SUGP2: variants seen among roughly 807,000 people sequenced by gnomAD.
SUGP2 encodes SURP and G-patch domain containing 2, also known as SURP and G-patch domain-containing protein 2.
In SUGP2, 24 loss-of-function variants were observed where a neutral mutation model predicts 90.5. The observed-to-expected ratio is 0.27, with a 90% CI of 0.19 to 0.37. The LOEUF is 0.37. SUGP2 is among the 10% of genes least tolerant of loss of function. The pLI, the probability that SUGP2 is intolerant of heterozygous loss-of-function variation, is 1.00. For synonymous variants in SUGP2, 473 were observed against 513.4 expected (o/e 0.92, Z 1.06); for missense variants, 1,233 against 1,363.3 (o/e 0.90, Z 1.51).
intron 8 of SUGP2, among the ~76,000 whole-genome samples, chr19:18,997,230 A>C (rs2057634876): frequency 6.6e-6 from 1 of 151,836 alleles, no homozygotes; most frequent in African/African-American, 2.4e-5. Context: ...TGTGGGAGGC[A>C]CTCCAGAGAC....
rs535869596 is a variant in SUGP2, at chr19:19,007,986, T to C, written c.2450+331A>G. ...GGTGGCCAGGCTGGTCTCGAACTCC[T>C]GAACTCGGGTGATTAGAACAGATCT... is the stretch of plus-strand genomic sequence containing the variant. On this transcript the variant is annotated intron_variant, in intron 6 of 10. Transcript: ENST00000452918. Among the ~76,000 whole-genome samples the C allele has an allele frequency of 2.0e-5, 3 of 152,178 alleles. No individual in the cohort carries two copies. In the East Asian group the frequency reaches 5.8e-4, roughly 29 times the overall value.
At position 18,992,282 on chromosome 19, in the gene SUGP2, C is replaced by T. The variant is rs938722790; in HGVS notation, c.*1459G>A. 2.0e-5 allele frequency: 3 copies of T among 150,962 alleles called. No individual in the cohort carries two copies. Among genetic ancestry groups the T allele is most frequent in the Non-Finnish European group, 4.4e-5 (3 of 67,946 alleles). The allele number at this position is 150,962 out of a possible 1,614,324, so 9.4% of individuals were successfully genotyped here. On this transcript the variant is annotated 3_prime_UTR_variant, in exon 11 of 11. Transcript: ENST00000452918. ...GGCCAGGATGGTCTCGATCTCTTGA[C>T]CTCGTGATCCACCTGCCTCGGCCTC...
chr19:19,027,971 T>C (rs1298268309), intron 2 of SUGP2, among the ~76,000 whole-genome samples: 1 of 152,118 alleles, frequency 6.6e-6, no homozygotes, highest in African/African-American at 2.4e-5. Flanking sequence ...AGCAGTGGCC[T>C]GGCATGAGGA....
chr19:19,027,681 G>GT (rs1371517030), intron 2 of SUGP2, among the ~76,000 whole-genome samples: 2 of 151,440 alleles, frequency 1.3e-5, no homozygotes, highest in African/African-American at 4.9e-5. Context: ...CCAGGCTGGA[G>GT]TGCCGGAGTG....
intron 4 of SUGP2, among the ~76,000 whole-genome samples, chr19:19,011,762 G>A (rs559964838): frequency 3.9e-5 from 6 of 152,152 alleles, no homozygotes; most frequent in Non-Finnish European, 8.8e-5. Flanking sequence ...TTTGGGAGGC[G>A]GAAGCAGGTG....
rs754427707 is a variant in SUGP2 at position 19,001,606 on chromosome 19, C to G, written c.2991+7G>C. The G allele has an allele frequency of 6.2e-7, 1 of 1,613,894 alleles. No homozygotes were observed. The highest frequency in any genetic ancestry group is 1.3e-5 in the African/African-American group (1 of 74,928). ...TTTGAGTGAGGACTACCAATGATTA[C>G]GCTCACCTTCTTTTTGGACATGGGA... is the stretch of plus-strand genomic sequence containing the variant. On this transcript the variant is annotated splice_region_variant and intron_variant, in intron 8 of 10. Transcript: ENST00000452918.
chr19:19,004,551 T>G lies in SUGP2; in HGVS notation c.2546A>C (p.Asn849Thr). 1 of 1,614,212 alleles carries G rather than the reference T, an allele frequency of 6.2e-7. No individual in the cohort carries two copies. Among genetic ancestry groups the G allele is most frequent in the Non-Finnish European group, 8.5e-7 (1 of 1,180,026 alleles). Residue 849 changes from asparagine to threonine, a missense_variant, in exon 7 of 11, where the codon AAC becomes ACC. Around this residue, in one of 8 missense-constraint regions of SUGP2, gnomAD observed 540 missense variants for 542.6 expected, o/e 1.00. Coordinates refer to ENST00000452918, the MANE Select transcript of SUGP2 (RefSeq NM_001017392.5). Reference sequence around the variant, plus strand: ...GGTGTCACCACCACCAGTGTGAAGGTTGTGCGGAGATGACGTGAAACAAAT... The same window carrying G: ...GGTGTCACCACCACCAGTGTGAAGGGTGTGCGGAGATGACGTGAAACAAAT... The part of the protein sequence containing the change: ...PSICFTSSPH[N>T]LHTGGGDTTG...
chr19:19,002,325 A>G (rs1189627293), intron 7 of SUGP2, among the ~76,000 whole-genome samples: 1 of 151,660 alleles, frequency 6.6e-6, no homozygotes, highest in Non-Finnish European at 1.5e-5. Flanking sequence ...GGTTGTAGTG[A>G]GCCGAGATTG....
intron 8 of SUGP2, among the ~76,000 whole-genome samples, chr19:18,997,782 CAAAAAAAAAA>C (rs35875282): frequency 1.1e-5 from 1 of 88,288 alleles, no homozygotes; most frequent in Non-Finnish European, 2.2e-5. Context: ...GACTCCGTCT[CAAAAAAAAAA>C]AAAAAAAAAA....
At chr19:18,999,844 T>G (rs1437812714) in intron 8 of SUGP2, among the ~76,000 whole-genome samples, 1 of 152,112 alleles carries the variant, frequency 6.6e-6, no homozygotes, top group East Asian at 1.9e-4. Context: ...CTGCCCCCTT[T>G]CCATAACCTG....
In SUGP2 at chr19:19,008,422, A is replaced by T. The variant is rs2058172487; in HGVS notation, c.2345T>A (p.Met782Lys). 6.2e-7 allele frequency: 1 copy of T among 1,613,648 alleles called. No homozygotes were observed. Among genetic ancestry groups the T allele is most frequent in the African/African-American group, 1.3e-5 (1 of 75,034 alleles). The change falls in exon 6 of 11, where the codon ATG (methionine) becomes AAG (lysine). Residue 782 changes from methionine to lysine, a missense_variant. This residue lies in a region of SUGP2 where 540 missense variants were observed against 542.6 expected (regional missense o/e 1.00). Transcript: ENST00000452918. ...SSPCPSADID[M>K]KTMETAEKLA... ...TTTCTCTGCAGTCTCCATTGTCTTC[A>T]TGTCAACTACAAAACATAAAGCACC...
At position 19,002,854 on chromosome 19, in the gene SUGP2, A is replaced by C. The variant is rs192931442; in HGVS notation, c.2930-1180T>G. Reference sequence around the variant, plus strand: ...CTCATCAACTACCCAAAGAACTGAGAGCTTCTAATGCAGAAATAAAAAACT... The same window carrying C: ...CTCATCAACTACCCAAAGAACTGAGCGCTTCTAATGCAGAAATAAAAAACT... On this transcript the variant is annotated intron_variant, in intron 7 of 10. Coordinates refer to ENST00000452918, the MANE Select transcript of SUGP2 (RefSeq NM_001017392.5). Among the ~76,000 whole-genome samples the C allele has an allele frequency of 2.6e-3, 397 of 152,160 alleles. 6 individuals are homozygous for C. The highest frequency in any genetic ancestry group is 2.1e-3 in the Non-Finnish European group (140 of 67,988).
rs1160139854 is a variant in SUGP2 at position 19,025,518 on chromosome 19, C to T, written c.830G>A (p.Ser277Asn). The part of the protein sequence containing the change: ...GTNQIQKNTP[S>N]PDVTLGTNPG... ...GTTTGTCCCCAGGGTCACATCAGGACTTGGAGTGTTTTTCTGGATTTGGTT... is the reference window on the plus strand; with the variant it reads ...GTTTGTCCCCAGGGTCACATCAGGATTTGGAGTGTTTTTCTGGATTTGGTT... The change falls in exon 3 of 11, where the codon AGT becomes AAT. Residue 277 changes from serine to asparagine, a missense_variant. Ser to Asn is a conservative substitution (Grantham distance 46, BLOSUM62 1). Around this residue, in one of 8 missense-constraint regions of SUGP2, gnomAD observed 418 missense variants for 399.9 expected, o/e 1.05. Coordinates refer to ENST00000452918, the MANE Select transcript of SUGP2 (RefSeq NM_001017392.5). 1 of 1,614,082 alleles carries T rather than the reference C, an allele frequency of 6.2e-7. No individual in the cohort carries two copies. Among genetic ancestry groups the T allele is most frequent in the African/African-American group, 1.3e-5 (1 of 75,010 alleles).
chr19:19,025,147 CAT>C lies in SUGP2; in HGVS notation c.1199_1200del (p.Asn400ArgfsTer20). 6.2e-7 allele frequency: 1 copy of C among 1,612,680 alleles called. No homozygotes were observed. Among genetic ancestry groups the C allele is most frequent in the Non-Finnish European group, 8.5e-7 (1 of 1,179,774 alleles). On this transcript the variant is annotated frameshift_variant, in exon 3 of 11. Transcript: ENST00000452918. LOFTEE classifies it high-confidence loss of function. ...TTGTCTAAAAGCATGTTTAAAAACT[CAT>C]TATCAACTCTGGGTGTTTTCAAAGC... ...HSALKTPRVD[N>X]EFLNMLLDKG...
Position 19,012,609 on chromosome 19 carries a change from G to C in SUGP2, c.1851-2267C>G, listed in dbSNP as rs1421242373. ...AAGACAGGGAAGATGATAAGCAGTA[G>C]CTACTTCATCATACAGCTGTGAGGC... On this transcript the variant is annotated intron_variant, in intron 4 of 10. Coordinates refer to ENST00000452918, the MANE Select transcript of SUGP2 (RefSeq NM_001017392.5). Among the ~76,000 whole-genome samples, 7 of 152,178 alleles carry C rather than the reference G, an allele frequency of 4.6e-5. No homozygotes were observed. The East Asian group carries it at 1.3e-3, about 29-fold the overall frequency.
At chr19:19,026,310 C>G in intron 2 of SUGP2, 84 bp from the exon 3 acceptor site, 1 of 1,351,220 alleles carries the variant, frequency 7.4e-7, no homozygotes, top group Non-Finnish European at 9.8e-7. Context: ...AACAAACAGT[C>G]CACGGATCAC....
rs368260265 is a variant in SUGP2 at position 19,027,715 on chromosome 19, G to A, written c.122-1489C>T. Among the ~76,000 whole-genome samples the A allele has an allele frequency of 5.4e-3, 824 of 151,588 alleles. 12 individuals carry two copies. The highest frequency in any genetic ancestry group is 0.019 in the African/African-American group (780 of 41,276). On this transcript the variant is annotated intron_variant, in intron 2 of 10. Coordinates refer to ENST00000452918, the MANE Select transcript of SUGP2 (RefSeq NM_001017392.5). ...TGCAAGGGTGCGATCTTGGCTCACC[G>A]CAACCTCCACCTCCCAGGTTCAAGC...
intron 6 of SUGP2, among the ~76,000 whole-genome samples, chr19:19,005,138 G>A (rs940394891): frequency 7.9e-5 from 12 of 152,154 alleles, no homozygotes; most frequent in Non-Finnish European, 1.6e-4. Flanking sequence ...AGCACTTCCC[G>A]CTCTGGGGCC....
intron 8 of SUGP2, among the ~76,000 whole-genome samples, chr19:18,995,582 T>G: frequency 6.6e-6 from 1 of 152,016 alleles, no homozygotes; most frequent in Non-Finnish European, 1.5e-5. Flanking sequence ...AAGGAGTCAG[T>G]AGGAAGGCCC....
Sources: allele counts gnomAD v4.1 joint callset (sites outside exome capture counted in the v4.1 genomes callset), GRCh38; gene constraint gnomAD v4.1.1; regional missense constraint gnomAD v4.1.1; transcripts MANE v1.5; gene names NCBI Gene and HGNC (gene_info 2026-07-23, HGNC 2026-07-21).